FNDC3B: variants seen among roughly 807,000 people sequenced by gnomAD.
FNDC3B encodes fibronectin type III domain containing 3B, also known as fibronectin type III domain-containing protein 3B.
FNDC3B carries 12 observed loss-of-function variants against 151.5 expected under a neutral mutation model. The observed-to-expected ratio is 0.08, with a 90% CI of 0.05 to 0.13. The LOEUF is 0.13. Among genes scored for constraint, FNDC3B ranks in the 10% least tolerant of loss-of-function variants. The pLI is 1.00. For missense variants in FNDC3B, 1,214 were observed against 1,505.3 expected, an observed-to-expected ratio of 0.81 and a Z score of 3.20; for synonymous variants, 528 against 549.0, an observed-to-expected ratio of 0.96 and a Z score of 0.54.
intron 22 of FNDC3B, among the ~76,000 whole-genome samples, chr3:172,359,781 T>G (rs1454555398): frequency 6.6e-6 from 1 of 152,174 alleles, no homozygotes; most frequent in East Asian, 1.9e-4. Context: ...CCGAGAGACT[T>G]ATATTGCTTT....
At chr3:172,091,476 GAA>G (rs1350441006) in intron 1 of FNDC3B, among the ~76,000 whole-genome samples, 2 of 152,150 alleles carry the variant, frequency 1.3e-5, no homozygotes, top group Admixed American at 6.6e-5. Context: ...AGAAATTACA[GAA>G]GTCAGAATTT....
rs1715971116 is a variant in FNDC3B at position 172,040,439 on chromosome 3, C to G, written c.-29+668C>G. ...CCTCTCCGGGACACTCCCCGCCCCG[C>G]TGCTGGCCACCTCCGAGCACGCCAC... On this transcript the variant is annotated intron_variant, in intron 1 of 25. Transcript: ENST00000415807. This position sits in a 1 kb window ranked among gnomAD's most constrained non-coding sequence, Gnocchi z 6.6. 1 of 152,082 alleles carries G rather than the reference C, an allele frequency of 6.6e-6. No individual in the cohort carries two copies. The highest frequency in any genetic ancestry group is 2.4e-5 in the African/African-American group (1 of 41,400). The allele number at this position is 152,082 out of a possible 1,614,324, so 9.4% of individuals were successfully genotyped here.
chr3:172,227,315 C>T (rs1576816685), intron 4 of FNDC3B: 1 of 162,638 alleles, frequency 6.1e-6, no homozygotes, highest in African/African-American at 2.4e-5. Flanking sequence ...GGAGACATAG[C>T]TCACATAAAC....
chr3:172,389,969 C>T (rs1465899114), intron 25 of FNDC3B, among the ~76,000 whole-genome samples: 1 of 152,174 alleles, frequency 6.6e-6, no homozygotes, highest in Non-Finnish European at 1.5e-5. Context: ...GTCTCTTGCC[C>T]CTGTGGTCTG....
At chr3:172,244,428 C>T (rs1727666404) in intron 4 of FNDC3B, among the ~76,000 whole-genome samples, 1 of 151,930 alleles carries the variant, frequency 6.6e-6, no homozygotes, top group Admixed American at 6.6e-5. Flanking sequence ...CCTTAGTTGC[C>T]AATTATTTTG....
chr3:172,385,467 ATT>A (rs1466731389), intron 25 of FNDC3B, among the ~76,000 whole-genome samples: 1 of 152,170 alleles, frequency 6.6e-6, no homozygotes, highest in Non-Finnish European at 1.5e-5. Flanking sequence ...CACCAGGGTT[ATT>A]TATACCTGCA....
chr3:172,146,232 C>T (rs1174718118), intron 3 of FNDC3B, among the ~76,000 whole-genome samples: 2 of 152,142 alleles, frequency 1.3e-5, no homozygotes, highest in South Asian at 2.1e-4. Context: ...TTAATAGTCA[C>T]GACAGTTCTT....
At chr3:172,063,707 GTC>G (rs1483380210) in intron 1 of FNDC3B, among the ~76,000 whole-genome samples, 1 of 152,156 alleles carries the variant, frequency 6.6e-6, no homozygotes, top group African/African-American at 2.4e-5. Flanking sequence ...AAAAAATAGA[GTC>G]TCTAACAGAG....
chr3:172,336,818 G>A (rs1194184963), intron 15 of FNDC3B, among the ~76,000 whole-genome samples: 3 of 151,452 alleles, frequency 2.0e-5, no homozygotes, highest in African/African-American at 2.4e-5. Context: ...AAGGAGACTC[G>A]CTTGAACCCA....
intron 3 of FNDC3B, among the ~76,000 whole-genome samples, chr3:172,137,849 C>T (rs573433194): frequency 6.6e-6 from 1 of 152,282 alleles, no homozygotes; most frequent in South Asian, 2.1e-4. Flanking sequence ...ATACCTATGG[C>T]ATCCTAGACA....
chr3:172,131,077 A>T (rs1229164418), intron 2 of FNDC3B, among the ~76,000 whole-genome samples: 1 of 152,224 alleles, frequency 6.6e-6, no homozygotes, highest in African/African-American at 2.4e-5. Flanking sequence ...TGTTAAAGAA[A>T]TGACTTTAAA....
intron 3 of FNDC3B, among the ~76,000 whole-genome samples, chr3:172,192,813 T>C (rs559300221): frequency 6.6e-6 from 1 of 152,190 alleles, no homozygotes; most frequent in East Asian, 1.9e-4. Flanking sequence ...CTGACTTTAG[T>C]AAAAAGGCTT....
At chr3:172,132,343 A>T (rs1721145750) in intron 2 of FNDC3B, among the ~76,000 whole-genome samples, 4 of 152,238 alleles carry the variant, frequency 2.6e-5, no homozygotes, top group Admixed American at 2.6e-4. Context: ...TCTAGAAATT[A>T]TATGGTGATT....
In FNDC3B at chr3:172,107,541, C is replaced by T. The variant is rs116289253; in HGVS notation, c.-28-4911C>T. ...AGTCCTGTGATAGATTTGGCCAGCTCAGATACACATCTGTCTAGGAAAGAA... is the reference window on the plus strand; with the variant it reads ...AGTCCTGTGATAGATTTGGCCAGCTTAGATACACATCTGTCTAGGAAAGAA... On this transcript the variant is annotated intron_variant, in intron 1 of 25. Coordinates refer to ENST00000415807, the MANE Select transcript of FNDC3B (RefSeq NM_022763.4). Among the ~76,000 whole-genome samples, 422 of 152,200 alleles carry T rather than the reference C, an allele frequency of 2.8e-3. 3 individuals are homozygous for T. The highest frequency in any genetic ancestry group is 9.6e-3 in the African/African-American group (397 of 41,524).
At chr3:172,343,722 G>T (rs989935233) in intron 18 of FNDC3B, among the ~76,000 whole-genome samples, 25 of 152,114 alleles carry the variant, frequency 1.6e-4, no homozygotes. Flanking sequence ...CCAATTTGGG[G>T]TCCTGTATTT....
At chr3:172,321,935 C>T (rs921633382) in intron 11 of FNDC3B, among the ~76,000 whole-genome samples, 2 of 152,150 alleles carry the variant, frequency 1.3e-5, no homozygotes, top group Admixed American at 1.3e-4. Context: ...TACATTCCCC[C>T]ACCTTCTAGC....
chr3:172,105,198 CG>C (rs764948955), intron 1 of FNDC3B, among the ~76,000 whole-genome samples: 4 of 152,030 alleles, frequency 2.6e-5, no homozygotes, highest in Non-Finnish European at 5.9e-5. Context: ...AAAGGCCACC[CG>C]GGGTGTATGG....
chr3:172,178,743 G>A (rs1410982495), intron 3 of FNDC3B, among the ~76,000 whole-genome samples: 2 of 152,154 alleles, frequency 1.3e-5, no homozygotes, highest in African/African-American at 4.8e-5. Context: ...GGTGATAAAA[G>A]TGCAAGTTAT....
intron 4 of FNDC3B, among the ~76,000 whole-genome samples, chr3:172,230,238 A>T (rs1726817198): frequency 6.6e-6 from 1 of 152,140 alleles, no homozygotes. Context: ...CACGCCTGTA[A>T]TCCCAACACT....
Sources: gnomAD v4.1 joint callset for allele counts (sites outside exome capture counted in the v4.1 genomes callset) on GRCh38, gnomAD v4.1.1 for gene constraint, Gnocchi (gnomAD v3.1) non-coding constraint, MANE v1.5 for transcripts, NCBI Gene and HGNC (gene_info 2026-07-23, HGNC 2026-07-21) for gene names.